SLC36A1: variants seen among roughly 807,000 people sequenced by gnomAD.
SLC36A1 encodes proton-coupled amino acid transporter 1.
In SLC36A1, 30 loss-of-function variants were observed where a neutral mutation model predicts 47.5. The ratio of observed to expected loss-of-function variants is 0.63; its 90% CI spans 0.47 to 0.86. The LOEUF is 0.86. SLC36A1 is among the 40% of genes least tolerant of loss of function. The pLI is 0.00. For missense variants in SLC36A1, 517 were observed against 606.0 expected (o/e 0.85, Z 1.54); for synonymous variants, 255 against 249.7 (o/e 1.02, Z -0.20).
At chr5:151,550,629 G>A in the SLC36A1 span, 1 of 1,614,102 alleles carries the variant, frequency 6.2e-7, no homozygotes, top group Non-Finnish European at 8.5e-7. Context: ...CCGAGCCGAG[G>A]TCCAATTTTC....
chr5:151,525,745 C>T, the SLC36A1 span: 3 of 1,613,892 alleles, frequency 1.9e-6, no homozygotes, highest in South Asian at 3.3e-5. Context: ...TGGTCACCAC[C>T]AGAAGCCTAG....
chr5:151,519,684 T>C, the SLC36A1 span, among the ~76,000 whole-genome samples: 9 of 152,352 alleles, frequency 5.9e-5, no homozygotes, highest in East Asian at 1.7e-3. Context: ...ATTTGCTTTA[T>C]AAAAATTATT....
chr5:151,507,573 C>T, the SLC36A1 span: 2 of 1,613,412 alleles, frequency 1.2e-6, no homozygotes, highest in Non-Finnish European at 1.7e-6. Flanking sequence ...AGTGACTAGG[C>T]AGTGTCCTTC....
chr5:151,473,511 A>G (rs1040052921), intron 7 of SLC36A1, among the ~76,000 whole-genome samples, 162 bp from the exon 8 acceptor site: 6 of 152,210 alleles, frequency 3.9e-5, no homozygotes, highest in Non-Finnish European at 5.9e-5. Context: ...AAAACATACA[A>G]AGGTTAAATG....
the SLC36A1 span, chr5:151,540,864 G>T: frequency 8.1e-6 from 9 of 1,104,830 alleles, no homozygotes; most frequent in East Asian, 2.3e-4. Context: ...TAGAATTGTT[G>T]GGAAAGCAAA....
the SLC36A1 span, chr5:151,546,100 C>T: frequency 3.7e-6 from 6 of 1,613,992 alleles, no homozygotes; most frequent in Non-Finnish European, 5.1e-6. Flanking sequence ...GATTGGGGAA[C>T]CAACAGGGAT....
chr5:151,428,095 G>A, the SLC36A1 span, among the ~76,000 whole-genome samples: 1 of 152,078 alleles, frequency 6.6e-6, no homozygotes, highest in South Asian at 2.1e-4. Flanking sequence ...TCTCCCTGGC[G>A]GCAACTCCAG....
chr5:151,509,680 C>T, the SLC36A1 span: 2 of 235,048 alleles, frequency 8.5e-6, no homozygotes, highest in Admixed American at 4.8e-5. Flanking sequence ...AAGCTCAGGG[C>T]TCCCAACTGA....
chr5:151,505,118 C>T, the SLC36A1 span: 8 of 252,458 alleles, frequency 3.2e-5, no homozygotes, highest in African/African-American at 1.2e-4. Context: ...CTCCTCTGTA[C>T]GGCCCGCGTA....
chr5:151,540,857 A>T, the SLC36A1 span: 2 of 1,146,572 alleles, frequency 1.7e-6, no homozygotes, highest in African/African-American at 1.6e-5. Context: ...CATTTTTTAG[A>T]ATTGTTGGGA....
the SLC36A1 span, among the ~76,000 whole-genome samples, chr5:151,429,494 C>A: frequency 6.6e-6 from 1 of 151,818 alleles, no homozygotes; most frequent in South Asian, 2.1e-4. Flanking sequence ...ATGATGGTTT[C>A]CAGTTTCATC....
At chr5:151,525,660 C>T in the SLC36A1 span, 2 of 1,271,836 alleles carry the variant, frequency 1.6e-6, no homozygotes, top group African/African-American at 2.9e-5. Flanking sequence ...CTGATGCATC[C>T]TAAGTGCTTT....
chr5:151,507,337 T>TG, the SLC36A1 span: 4 of 1,614,176 alleles, frequency 2.5e-6, no homozygotes, highest in Non-Finnish European at 3.4e-6. Context: ...TTGAGGTTGT[T>TG]GCAGGAGCTG....
At chr5:151,394,364 C>T in the SLC36A1 span, among the ~76,000 whole-genome samples, 7 of 152,174 alleles carry the variant, frequency 4.6e-5, no homozygotes, top group South Asian at 2.1e-4. Context: ...CCCTTTAGCT[C>T]GGAGAAGTTT....
chr5:151,549,941 A>G, the SLC36A1 span, among the ~76,000 whole-genome samples: 1 of 152,188 alleles, frequency 6.6e-6, no homozygotes, highest in Non-Finnish European at 1.5e-5. Flanking sequence ...TGCCCAGAGG[A>G]TGATAAATTA....
At chr5:151,427,689 C>T in the SLC36A1 span, among the ~76,000 whole-genome samples, 2 of 152,092 alleles carry the variant, frequency 1.3e-5, no homozygotes, top group Non-Finnish European at 2.9e-5. Context: ...GTCACTGGGG[C>T]GAGGGGGAGA....
At chr5:151,434,120 C>T (rs895743128), upstream of SLC36A1, among the ~76,000 whole-genome samples, 10 of 152,190 alleles carry the variant, frequency 6.6e-5, no homozygotes, top group African/African-American at 2.4e-4. Flanking sequence ...GAGGGACTCA[C>T]CTTCATTTCA....
At chr5:151,372,396 G>C in the SLC36A1 span, among the ~76,000 whole-genome samples, 13 of 152,114 alleles carry the variant, frequency 8.5e-5, no homozygotes, top group African/African-American at 3.1e-4. Flanking sequence ...TAGTGAAATG[G>C]AAATGTGAGT....
chr5:151,488,328 G>A lies in SLC36A1; in HGVS notation c.*74G>A. The A allele has an allele frequency of 1.3e-6, 2 of 1,548,426 alleles. No individual in the cohort carries two copies. Among genetic ancestry groups the A allele is most frequent in the Non-Finnish European group, 1.8e-6 (2 of 1,139,846 alleles). On this transcript the variant is annotated 3_prime_UTR_variant, in exon 11 of 11. Transcript: ENST00000243389. ...CCGTTACCTGTCCTCAGAGCCTCAG[G>A]TATGGTCCAGGCTCTGAGGAAAGTC...
Sources: gnomAD v4.1 joint callset for allele counts (sites outside exome capture counted in the v4.1 genomes callset) on GRCh38, gnomAD v4.1.1 for gene constraint, MANE v1.5 for transcripts, NCBI Gene and HGNC (gene_info 2026-07-23, HGNC 2026-07-21) for gene names.